PTPRM: variants seen among roughly 807,000 people sequenced by gnomAD.
The protein encoded by PTPRM is protein tyrosine phosphatase receptor type M, also known as receptor-type tyrosine-protein phosphatase mu.
A neutral mutation model predicts 186.7 loss-of-function variants in PTPRM; 47 were observed. The ratio of observed to expected loss-of-function variants is 0.25; its 90% CI spans 0.20 to 0.32. The LOEUF is 0.32. Among genes scored for constraint, PTPRM ranks in the 10% least tolerant of loss-of-function variants. The probability of loss-of-function intolerance (pLI) is 1.00; values close to 1 mark genes in which losing one functional copy is unlikely to be tolerated. For synonymous variants in PTPRM, 668 were observed against 674.9 expected (o/e 0.99, Z 0.16); for missense variants, 1,494 against 1,865.0 (o/e 0.80, Z 3.66).
At chr18:7,941,849 CTG>C (rs1018684219) in intron 5 of PTPRM, among the ~76,000 whole-genome samples, 3 of 152,236 alleles carry the variant, frequency 2.0e-5, no homozygotes, top group Non-Finnish European at 4.4e-5. Context: ...ACTCTGAACA[CTG>C]TGCTTCCTCA....
chr18:7,729,795 A>G (rs1007948764), intron 1 of PTPRM, among the ~76,000 whole-genome samples: 1 of 152,200 alleles, frequency 6.6e-6, no homozygotes, highest in Non-Finnish European at 1.5e-5. Context: ...AAAAAAAACT[A>G]ATCATATAGA....
intron 7 of PTPRM, among the ~76,000 whole-genome samples, chr18:8,001,814 G>T (rs1304859539): frequency 6.6e-6 from 1 of 152,164 alleles, no homozygotes; most frequent in Non-Finnish European, 1.5e-5. Flanking sequence ...CGTTTGGAAA[G>T]CCTACAGGCA....
At chr18:8,117,836 G>A (rs1046118534) in intron 13 of PTPRM, among the ~76,000 whole-genome samples, 1 of 152,194 alleles carries the variant, frequency 6.6e-6, no homozygotes. Context: ...TAATTGTATA[G>A]TGGAGTGAAT....
intron 14 of PTPRM, among the ~76,000 whole-genome samples, chr18:8,199,151 G>A (rs945897032): frequency 5.9e-5 from 9 of 152,122 alleles, no homozygotes; most frequent in African/African-American, 2.2e-4. Context: ...TAACATTACT[G>A]TAAGTGTCAG....
intron 19 of PTPRM, among the ~76,000 whole-genome samples, chr18:8,269,200 A>G (rs2094740002): frequency 6.6e-6 from 1 of 152,068 alleles, no homozygotes; most frequent in Non-Finnish European, 1.5e-5. Flanking sequence ...TAACTAATAA[A>G]TTAATCAGTA....
chr18:7,662,182 C>T (rs1458455469), intron 1 of PTPRM, among the ~76,000 whole-genome samples: 2 of 152,132 alleles, frequency 1.3e-5, no homozygotes, highest in African/African-American at 2.4e-5. Flanking sequence ...GCAATCTGTT[C>T]ACCTTGGCCT....
At chr18:8,072,423 G>A (rs1202846629) in intron 8 of PTPRM, among the ~76,000 whole-genome samples, 1 of 152,142 alleles carries the variant, frequency 6.6e-6, no homozygotes, top group Admixed American at 6.5e-5. Flanking sequence ...GCTGGAGCAT[G>A]CATTACTTCC....
At chr18:8,248,360 T>G in intron 17 of PTPRM, 184 bp downstream of exon 17, 1 of 702,544 alleles carries the variant, frequency 1.4e-6, no homozygotes, top group Non-Finnish European at 2.6e-6. Context: ...ACAGTCGCCA[T>G]TAATAAGAGG....
intron 2 of PTPRM, among the ~76,000 whole-genome samples, chr18:7,835,178 T>G (rs2045978435): frequency 6.7e-6 from 1 of 148,838 alleles, no homozygotes; most frequent in Non-Finnish European, 1.5e-5. Flanking sequence ...ATTATTCGTT[T>G]GACATTTTTC....
At chr18:7,754,699 A>G (rs2041386597) in intron 1 of PTPRM, 1 of 152,216 alleles carries the variant, frequency 6.6e-6, no homozygotes, top group South Asian at 2.1e-4. Context: ...CTCTCAAGAA[A>G]TAAGCATCAG....
chr18:8,130,293 C>G (rs1218814710), intron 13 of PTPRM, among the ~76,000 whole-genome samples: 1 of 152,102 alleles, frequency 6.6e-6, no homozygotes, highest in African/African-American at 2.4e-5. Flanking sequence ...CATGGTGGAA[C>G]TGTTGAGTGA....
chr18:8,077,148 G>C (rs1437675197), intron 9 of PTPRM, among the ~76,000 whole-genome samples: 1 of 152,148 alleles, frequency 6.6e-6, no homozygotes, highest in Admixed American at 6.5e-5. Context: ...AGCAATAACA[G>C]GGTGACATTC....
intron 1 of PTPRM, among the ~76,000 whole-genome samples, chr18:7,597,013 C>T (rs947234322): frequency 3.3e-5 from 5 of 152,182 alleles, no homozygotes; most frequent in African/African-American, 4.8e-5. Flanking sequence ...GCTACCATAC[C>T]CGGAAAATGT....
intron 2 of PTPRM, among the ~76,000 whole-genome samples, chr18:7,847,835 C>T (rs1282044408): frequency 6.6e-6 from 1 of 152,174 alleles, no homozygotes; most frequent in Non-Finnish European, 1.5e-5. Flanking sequence ...CTGGTGGCAT[C>T]TGCTTGTCTT....
chr18:7,963,457 TC>T (rs2053816488), intron 7 of PTPRM, among the ~76,000 whole-genome samples: 1 of 152,196 alleles, frequency 6.6e-6, no homozygotes, highest in Non-Finnish European at 1.5e-5. Flanking sequence ...CATAGAGTTA[TC>T]CAGTGACTCT....
intron 14 of PTPRM, among the ~76,000 whole-genome samples, chr18:8,151,154 C>T (rs2092997217): frequency 6.6e-6 from 1 of 152,162 alleles, no homozygotes; most frequent in African/African-American, 2.4e-5. Flanking sequence ...AGAGCTTCAA[C>T]ACTGTGCTGG....
intron 13 of PTPRM, among the ~76,000 whole-genome samples, chr18:8,143,166 G>T (rs1054132726): frequency 2.6e-5 from 4 of 152,188 alleles, no homozygotes; most frequent in Non-Finnish European, 4.4e-5. Context: ...TGGTAAAAAT[G>T]CATGGTAAAT....
chr18:7,722,854 A>C (rs1021671296), intron 1 of PTPRM, among the ~76,000 whole-genome samples: 1 of 152,226 alleles, frequency 6.6e-6, no homozygotes, highest in Admixed American at 6.5e-5. Flanking sequence ...TCGGTACGCA[A>C]ATGGCTTTTA....
chr18:8,038,510 G>A (rs1195259082), intron 7 of PTPRM, among the ~76,000 whole-genome samples: 1 of 151,398 alleles, frequency 6.6e-6, no homozygotes, highest in Non-Finnish European at 1.5e-5. Flanking sequence ...TTGTGCCTCA[G>A]CCTCCCAAGT....
Sources: gnomAD v4.1 joint callset for allele counts (sites outside exome capture counted in the v4.1 genomes callset) on GRCh38, gnomAD v4.1.1 for gene constraint, MANE v1.5 for transcripts, NCBI Gene and HGNC (gene_info 2026-07-23, HGNC 2026-07-21) for gene names.